Variants in DST observed in about 807,000 individuals in gnomAD.
DST encodes the protein bullous pemphigoid antigen.
DST carries 253 observed loss-of-function variants against 875.2 expected under a neutral mutation model. The observed-to-expected ratio is 0.29, with a 90% CI of 0.26 to 0.32. DST has a LOEUF of 0.32. Ranked by LOEUF, DST falls within the 10% of genes least tolerant of loss-of-function variation. The probability of loss-of-function intolerance (pLI) is 1.00; values close to 1 mark genes in which losing one functional copy is unlikely to be tolerated. For missense variants in DST, 8,287 were observed against 9,111.6 expected, an observed-to-expected ratio of 0.91 and a Z score of 3.68; for synonymous variants, 3,124 against 3,197.1, an observed-to-expected ratio of 0.98 and a Z score of 0.77.
At chr6:56,563,461 T>C (rs1270612301) in intron 55 of DST, among the ~76,000 whole-genome samples, 1 of 152,194 alleles carries the variant, frequency 6.6e-6, no homozygotes, top group Non-Finnish European at 1.5e-5. Context: ...TTTGTATAAG[T>C]TCCTTGTAGA....
chr6:56,511,085 T>C (rs956065908), intron 73 of DST, 112 bp downstream of exon 73: 11 of 913,962 alleles, frequency 1.2e-5, no homozygotes, highest in Middle Eastern at 3.1e-4. Flanking sequence ...TACTCAAGAG[T>C]GAATGTGGTG....
chr6:56,769,851 T>C (rs2099644763), intron 4 of DST, among the ~76,000 whole-genome samples: 1 of 152,152 alleles, frequency 6.6e-6, no homozygotes, highest in African/African-American at 2.4e-5. Flanking sequence ...AAAAATGTAT[T>C]CCTGTCCTCA....
intron 49 of DST, among the ~76,000 whole-genome samples, chr6:56,586,524 C>A (rs1199505318): frequency 1.3e-4 from 19 of 151,978 alleles, no homozygotes; most frequent in Non-Finnish European, 2.4e-4. Flanking sequence ...GAATACAGCA[C>A]ACTGATGGGT....
chr6:56,799,308 T>C (rs897656585), intron 4 of DST, among the ~76,000 whole-genome samples: 17 of 151,732 alleles, frequency 1.1e-4, no homozygotes, highest in African/African-American at 4.1e-4. Context: ...TGAACTATGA[T>C]TGTGCCACTG....
intron 4 of DST, among the ~76,000 whole-genome samples, chr6:56,831,473 T>G (rs957150209): frequency 3.3e-5 from 5 of 151,994 alleles, no homozygotes; most frequent in Non-Finnish European, 4.4e-5. Flanking sequence ...ACAAAGCCTC[T>G]CCCTTCCCCA....
At chr6:56,855,142 G>A (rs77954915) in intron 3 of DST, among the ~76,000 whole-genome samples, 1,770 of 152,252 alleles carry the variant, frequency 0.012, 42 homozygotes, top group African/African-American at 0.041. Flanking sequence ...AAAAGCACTA[G>A]ATAGTTACAA....
chr6:56,684,981 GCCCCCACCCACC>G (rs1056415748), intron 9 of DST, among the ~76,000 whole-genome samples: 2 of 144,116 alleles, frequency 1.4e-5, no homozygotes, highest in African/African-American at 2.6e-5. Context: ...TTAACCAACA[GCCCCCACCCACC>G]CCCCCACCCC....
In DST at chr6:56,642,038, G is replaced by C. The variant is rs777458626; in HGVS notation, c.1936C>G (p.Leu646Val). The stretch of plus-strand genomic sequence containing the variant: ...TGGCGTAAAAGGTTCTCACATTCAA[G>C]TATATACCCAGCAATTTCTGCTTCA... ...QNEAEIAGYI[L>V]ECENLLRQHV... is the part of the protein sequence containing the mutation. Residue 646 changes from leucine to valine, a missense_variant, in exon 17 of 104, where the codon CTT becomes GTT. Around this residue, in one of 10 missense-constraint regions of DST, gnomAD observed 1,160 missense variants for 1,424.3 expected, o/e 0.81. Coordinates refer to ENST00000680361, the MANE Select transcript of DST (RefSeq NM_001374736.1). The C allele has an allele frequency of 2.3e-5, 37 of 1,612,168 alleles. 1 individual carries two copies. In the South Asian group the frequency reaches 3.8e-4, roughly 17 times the overall value.
In DST at chr6:56,593,614, A is replaced by C. The variant is rs1243657516; in HGVS notation, c.12726+49T>G. ...TCTTGTTCCAAAACTATAATTGAAA[A>C]CTATAATTGCAGATTGACTTTTCCC... On this transcript the variant is annotated intron_variant, in intron 48 of 103. Transcript: ENST00000680361. The C allele has an allele frequency of 2.9e-6, 4 of 1,401,064 alleles. No individual in the cohort carries two copies. In the African/African-American group the frequency reaches 4.4e-5, roughly 15 times the overall value. 86.8% of individuals were successfully genotyped at this position (1,401,064 alleles called of 1,614,324 possible).
intron 13 of DST, among the ~76,000 whole-genome samples, chr6:56,647,513 C>G (rs1202522039): frequency 6.6e-6 from 1 of 152,112 alleles, no homozygotes; most frequent in Non-Finnish European, 1.5e-5. Flanking sequence ...TTTTCTATCC[C>G]AGTTTGATCA....
intron 74 of DST, among the ~76,000 whole-genome samples, chr6:56,509,252 A>T (rs1456894048): frequency 1.3e-5 from 2 of 152,108 alleles, no homozygotes; most frequent in Non-Finnish European, 2.9e-5. Flanking sequence ...TGGCTGTGGT[A>T]GTGGTTCCCA....
Position 56,606,220 on chromosome 6 carries a change from T to A in DST, c.8408A>T (p.Asp2803Val), listed in dbSNP as rs925891247. 1 of 1,568,072 alleles carries A rather than the reference T, an allele frequency of 6.4e-7. No individual in the cohort carries two copies. The highest frequency in any genetic ancestry group is 8.7e-7 in the Non-Finnish European group (1 of 1,154,596). Residue 2803 changes from aspartate (D) to valine (V), a missense_variant, in exon 40 of 104, where the codon GAT (aspartate) becomes GTT (valine). Asp to Val is a radical substitution (Grantham distance 152). Around this residue, in one of 10 missense-constraint regions of DST, gnomAD observed 3,138 missense variants for 3,116.6 expected, o/e 1.01. Coordinates refer to ENST00000680361, the MANE Select transcript of DST (RefSeq NM_001374736.1). ...GCCATCATCATCATCGTCATCCTGA[T>A]CATTACTGTCATATATATAATCCCC... ...SYGDYIYDSN[D>V]QDDDDDDGID...
chr6:56,609,116 GTTCT>G lies in DST; in HGVS notation c.5508_5511del (p.Lys1836AsnfsTer2). The G allele has an allele frequency of 6.2e-7, 1 of 1,613,818 alleles. No homozygotes were observed. Among genetic ancestry groups the G allele is most frequent in the Non-Finnish European group, 8.5e-7 (1 of 1,179,782 alleles). ...GAAATAATCTCCTTAGCTTTACTTA[GTTCT>G]TTGAGTTGGCACAGAATTTGTTCAT... is the stretch of plus-strand genomic sequence containing the variant. On this transcript the variant is annotated frameshift_variant, in exon 40 of 104. Coordinates refer to ENST00000680361, the MANE Select transcript of DST (RefSeq NM_001374736.1). LOFTEE classifies it high-confidence loss of function.
At chr6:56,739,819 G>A (rs2099539836) in intron 4 of DST, among the ~76,000 whole-genome samples, 1 of 152,138 alleles carries the variant, frequency 6.6e-6, no homozygotes, top group Admixed American at 6.5e-5. Flanking sequence ...ACAAGGAGGA[G>A]GCATGAATAA....
chr6:56,555,989 T>A (rs928384689), intron 59 of DST, 149 bp from the exon 60 acceptor site: 1 of 769,458 alleles, frequency 1.3e-6, no homozygotes, highest in Non-Finnish European at 1.9e-6. Flanking sequence ...TAAAGGGCAG[T>A]ACAATTCTCT....
At chr6:56,825,938 TTTCATCTTTG>T (rs1443142930) in intron 4 of DST, among the ~76,000 whole-genome samples, 1 of 152,250 alleles carries the variant, frequency 6.6e-6, no homozygotes, top group Non-Finnish European at 1.5e-5. Context: ...CATCATCTTT[TTTCATCTTTG>T]TATATGTCAT....
At chr6:56,699,882 T>C in intron 8 of DST, 137 bp from the exon 9 acceptor site, 1 of 534,410 alleles carries the variant, frequency 1.9e-6, no homozygotes, top group Non-Finnish European at 3.2e-6. Context: ...CAACTAAATA[T>C]TGTTTTACCC....
intron 10 of DST, 177 bp downstream of exon 10, chr6:56,670,464 C>T (rs1386381091): frequency 2.2e-6 from 1 of 457,284 alleles, no homozygotes; most frequent in Non-Finnish European, 3.7e-6. Context: ...TTCCCTAAGT[C>T]CTGGGATTAC....
chr6:56,650,498 T>C (rs1014185200), intron 12 of DST, among the ~76,000 whole-genome samples: 1 of 152,138 alleles, frequency 6.6e-6, no homozygotes, highest in Non-Finnish European at 1.5e-5. Context: ...CTCCTTTAAA[T>C]CACAAAAATG....
Sources: allele counts gnomAD v4.1 joint callset (sites outside exome capture counted in the v4.1 genomes callset), GRCh38; gene constraint gnomAD v4.1.1; regional missense constraint gnomAD v4.1.1; transcripts MANE v1.5; gene names NCBI Gene and HGNC (gene_info 2026-07-23, HGNC 2026-07-21).